SNHG17: variants seen among roughly 807,000 people sequenced by gnomAD.
SNHG17 encodes the protein small nucleolar RNA host gene 17.
At chr20:38,433,479 C>A (rs896721252) in intron 2 of SNHG17, among the ~76,000 whole-genome samples, 1 of 152,128 alleles carries the variant, frequency 6.6e-6, no homozygotes, top group African/African-American at 2.4e-5. Flanking sequence ...CCCTGTCTGT[C>A]CCAGCTATTT....
intron 2 of SNHG17, chr20:38,432,274 T>A: frequency 1.8e-6 from 1 of 552,592 alleles, no homozygotes; most frequent in Non-Finnish European, 2.3e-6. Context: ...AGGGACAGCT[T>A]AAGTCTCATC....
chr20:38,429,022 C>A (rs1169264638), intron 3 of SNHG17: 2 of 152,290 alleles, frequency 1.3e-5, no homozygotes, highest in Non-Finnish European at 2.9e-5. Flanking sequence ...TCTCCAACAC[C>A]CCAAAATGTA....
chr20:38,435,071 C>T (rs1029398652), intron 1 of SNHG17: 9 of 1,231,968 alleles, frequency 7.3e-6, no homozygotes, highest in Non-Finnish European at 9.1e-6. Context: ...GGGGGGCTCA[C>T]TCCGGCAAAG....
In SNHG17 at chr20:38,426,989, T is replaced by TACACAC. The variant is rs764575761; in HGVS notation, n.381-487_381-486insGTGTGT. 4.0e-4 allele frequency among the ~76,000 whole-genome samples: 45 copies of TACACAC among 112,754 alleles called. 1 individual carries two copies. The highest frequency in any genetic ancestry group is 2.1e-3 in the African/African-American group (44 of 20,492). The allele number at this position is 112,754 out of a possible 152,430, so 74.0% of individuals were successfully genotyped here. ...ATGCTACCCTATCCTGTCCCCAAGT[T>TACACAC]ACACATACACACACACACACACACA... On this transcript the variant is annotated intron_variant and non_coding_transcript_variant, in intron 3 of 8. Transcript: ENST00000654008.
chr20:38,420,643 CA>C (rs1568851308), exon 8 of SNHG17: 2 of 152,214 alleles, frequency 1.3e-5, no homozygotes, highest in African/African-American at 2.4e-5. Context: ...ACGACAGCTA[CA>C]AATTCAAAAA....
chr20:38,432,033 G>A (rs2084348970), intron 2 of SNHG17: 1 of 985,288 alleles, frequency 1.0e-6, no homozygotes, highest in Non-Finnish European at 1.2e-6. Flanking sequence ...CTGGCAGGGT[G>A]GAGATACCTC....
intron 2 of SNHG17, chr20:38,432,296 T>C (rs759487055): frequency 3.5e-4 from 137 of 391,664 alleles, no homozygotes; most frequent in Non-Finnish European, 4.5e-4. Flanking sequence ...TATGCACATA[T>C]TGTTGAATTT....
chr20:38,435,203 C>T (rs1472289127), exon 1 of SNHG17: 1 of 1,231,954 alleles, frequency 8.1e-7, no homozygotes, highest in Non-Finnish European at 1.0e-6. Flanking sequence ...TCACCCGGCG[C>T]CCTGGCGTCG....
rs79435513 is a variant in SNHG17 at position 38,425,260 on chromosome 20, T to G, written n.579+675A>C. 1,524 of 519,068 alleles carry G rather than the reference T, an allele frequency of 2.9e-3. 17 individuals carry two copies. The highest frequency in any genetic ancestry group is 0.027 in the African/African-American group (1,391 of 52,022). The allele number at this position is 519,068 out of a possible 1,614,324, so 32.2% of individuals were successfully genotyped here. ...GACCCTTCAAACACGGGGAAGCGCT[T>G]TCATTGATTCCTCTCCCTGCACTAT... On this transcript the variant is annotated intron_variant and non_coding_transcript_variant, in intron 5 of 8. Coordinates refer to ENST00000654008, the Ensembl canonical transcript of SNHG17.
chr20:38,425,143 G>T (rs1454856097), intron 5 of SNHG17: 11 of 502,406 alleles, frequency 2.2e-5, no homozygotes, highest in Admixed American at 2.2e-4. Flanking sequence ...GTAAACAGGG[G>T]TCTGGCACGA....
At chr20:38,429,374 A>T in intron 3 of SNHG17, 1 of 189,894 alleles carries the variant, frequency 5.3e-6, no homozygotes, top group South Asian at 9.3e-5. Flanking sequence ...ACCACAGCAA[A>T]GAGAGCCAGG....
chr20:38,425,186 A>C, intron 5 of SNHG17: 3 of 517,628 alleles, frequency 5.8e-6, no homozygotes, highest in Non-Finnish European at 1.2e-5. Context: ...ATCACTGGTG[A>C]GAATAAAGGC....
chr20:38,431,940 C>A, intron 2 of SNHG17: 1 of 938,120 alleles, frequency 1.1e-6, no homozygotes, highest in Non-Finnish European at 1.3e-6. Flanking sequence ...CCCAGGGAAC[C>A]TGCATGCACC....
chr20:38,427,584 C>G (rs2084271602), intron 3 of SNHG17: 2 of 225,294 alleles, frequency 8.9e-6, no homozygotes, highest in Non-Finnish European at 1.9e-5. Flanking sequence ...CAAGGGGAAT[C>G]AAAGGGGAAA....
At chr20:38,435,064 G>A in intron 1 of SNHG17, 7 of 1,231,932 alleles carry the variant, frequency 5.7e-6, no homozygotes, top group Non-Finnish European at 7.1e-6. Context: ...GAATCCTGGG[G>A]GGCTCACTCC....
chr20:38,431,642 G>A (rs1330638207), intron 2 of SNHG17, among the ~76,000 whole-genome samples: 4 of 152,184 alleles, frequency 2.6e-5, no homozygotes, highest in Non-Finnish European at 1.5e-5. Context: ...TCACCTCAGC[G>A]TACTCCTGTT....
chr20:38,431,302 T>C (rs1175954576), intron 2 of SNHG17, among the ~76,000 whole-genome samples: 1 of 152,220 alleles, frequency 6.6e-6, no homozygotes, highest in Non-Finnish European at 1.5e-5. Flanking sequence ...CCGTCTGAAA[T>C]GGACAATGGT....
At chr20:38,434,427 G>A (rs2084395722) in intron 2 of SNHG17, 1 of 197,798 alleles carries the variant, frequency 5.1e-6, no homozygotes, top group South Asian at 8.3e-5. Context: ...AGAACTGGCT[G>A]AGCTCATTGA....
At chr20:38,432,283 T>A (rs776628946) in intron 2 of SNHG17, 2 of 454,614 alleles carry the variant, frequency 4.4e-6, no homozygotes, top group Non-Finnish European at 5.8e-6. Flanking sequence ...TTAAGTCTCA[T>A]CTTATGCACA....
Sources: allele counts gnomAD v4.1 joint callset (sites outside exome capture counted in the v4.1 genomes callset), GRCh38; gene constraint gnomAD v4.1.1; transcripts MANE v1.5; gene names NCBI Gene and HGNC (gene_info 2026-07-23, HGNC 2026-07-21).